MECOM: variants seen among roughly 807,000 people sequenced by gnomAD.
The protein encoded by MECOM is histone-lysine N-methyltransferase MECOM.
A neutral mutation model predicts 116.3 loss-of-function variants in MECOM; 13 were observed. The ratio of observed to expected loss-of-function variants is 0.11; its 90% confidence interval spans 0.07 to 0.18. MECOM has a LOEUF of 0.18. Ranked by LOEUF, MECOM falls within the 10% of genes least tolerant of loss-of-function variation. The pLI is 1.00. For synonymous variants in MECOM, 528 were observed against 535.2 expected, an observed-to-expected ratio of 0.99 and a Z score of 0.19; for missense variants, 1,299 against 1,509.0, an observed-to-expected ratio of 0.86 and a Z score of 2.31.
At chr3:169,142,317 A>G (rs1738354035) in intron 3 of MECOM, among the ~76,000 whole-genome samples, 1 of 151,942 alleles carries the variant, frequency 6.6e-6, no homozygotes, top group African/African-American at 2.4e-5. Context: ...AACAATTATT[A>G]TGATATGATT....
intron 1 of MECOM, among the ~76,000 whole-genome samples, chr3:169,387,859 C>A (rs1362308487): frequency 6.6e-6 from 1 of 152,054 alleles, no homozygotes. Context: ...CCAAGAGGAG[C>A]TCAACTAGGG....
chr3:169,497,038 G>A (rs1753895181), intron 1 of MECOM, among the ~76,000 whole-genome samples: 1 of 152,092 alleles, frequency 6.6e-6, no homozygotes, highest in Admixed American at 6.5e-5. Context: ...CTGAAAAAGA[G>A]TTTATAAATT....
intron 1 of MECOM, among the ~76,000 whole-genome samples, chr3:169,466,501 G>A (rs905419284): frequency 6.6e-6 from 1 of 152,040 alleles, no homozygotes; most frequent in Non-Finnish European, 1.5e-5. Context: ...GTTGACAGAG[G>A]GTCATTAATT....
At chr3:169,230,930 T>G (rs1467256111) in intron 2 of MECOM, among the ~76,000 whole-genome samples, 1 of 152,142 alleles carries the variant, frequency 6.6e-6, no homozygotes, top group Non-Finnish European at 1.5e-5. Flanking sequence ...ACAACACAAA[T>G]AGAAAATATA....
chr3:169,653,514 G>C (rs1277297758), intron 1 of MECOM, among the ~76,000 whole-genome samples: 2 of 152,152 alleles, frequency 1.3e-5, no homozygotes, highest in African/African-American at 2.4e-5. Context: ...TGAAATCTTA[G>C]AGGAGTTAGA....
chr3:169,194,251 G>T (rs919574920), intron 2 of MECOM, among the ~76,000 whole-genome samples: 2 of 151,952 alleles, frequency 1.3e-5, no homozygotes, highest in Non-Finnish European at 2.9e-5. Flanking sequence ...ACTCATAGGT[G>T]GGAATTGAAC....
chr3:169,373,851 A>G (rs1285848328), intron 2 of MECOM, among the ~76,000 whole-genome samples: 1 of 151,986 alleles, frequency 6.6e-6, no homozygotes, highest in Non-Finnish European at 1.5e-5. Flanking sequence ...CCTCTTTCAG[A>G]GTCACATAAT....
At chr3:169,389,051 C>A (rs772591963) in intron 1 of MECOM, among the ~76,000 whole-genome samples, 1 of 152,136 alleles carries the variant, frequency 6.6e-6, no homozygotes, top group South Asian at 2.1e-4. Context: ...CCTGGTATTG[C>A]GGCATACTGT....
intron 1 of MECOM, among the ~76,000 whole-genome samples, chr3:169,392,645 GAAATA>G (rs1449392715): frequency 6.6e-6 from 1 of 152,106 alleles, no homozygotes; most frequent in East Asian, 1.9e-4. Context: ...ATGTGACAAT[GAAATA>G]AAATAAGGCC....
chr3:169,563,618 C>A (rs938794029), intron 1 of MECOM, among the ~76,000 whole-genome samples: 1 of 152,078 alleles, frequency 6.6e-6, no homozygotes, highest in Non-Finnish European at 1.5e-5. Context: ...ATCCCGGAAG[C>A]TTTTTGGAAT....
At chr3:169,217,612 C>G (rs987859892) in intron 2 of MECOM, among the ~76,000 whole-genome samples, 1 of 151,752 alleles carries the variant, frequency 6.6e-6, no homozygotes, top group Non-Finnish European at 1.5e-5. Flanking sequence ...GGCAAAACCC[C>G]GTCGCCACTA....
At chr3:169,311,526 G>A (rs972207680) in intron 2 of MECOM, among the ~76,000 whole-genome samples, 1 of 152,108 alleles carries the variant, frequency 6.6e-6, no homozygotes, top group Non-Finnish European at 1.5e-5. Flanking sequence ...AATGTCAAAT[G>A]GCACTAGAAA....
chr3:169,614,423 A>T (rs1280481931), intron 1 of MECOM, among the ~76,000 whole-genome samples: 1 of 152,186 alleles, frequency 6.6e-6, no homozygotes, highest in Non-Finnish European at 1.5e-5. Flanking sequence ...TGATATAAAC[A>T]AATGCCCAAC....
rs868557007 is a variant in MECOM at position 169,378,487 on chromosome 3, G to A, written c.375+2700C>T. 3.0e-3 allele frequency among the ~76,000 whole-genome samples: 91 copies of A among 29,936 alleles called. 12 individuals carry two copies. The highest frequency in any genetic ancestry group is 0.016 in the African/African-American group (40 of 2,526). 19.6% of individuals were successfully genotyped at this position (29,936 alleles called of 152,430 possible). A position where few individuals can be genotyped will look rare whatever the true frequency, so the allele number is the denominator to read the frequency against. ...CAAGCAAGCAAGCAAGAAAGAGAGA[G>A]AGAAAGAAAGAAAGAAAGAAAGAAA... is the stretch of plus-strand genomic sequence containing the variant. On this transcript the variant is annotated intron_variant, in intron 2 of 16. Coordinates refer to ENST00000651503, the MANE Select transcript of MECOM (RefSeq NM_004991.4).
intron 1 of MECOM, among the ~76,000 whole-genome samples, chr3:169,408,643 A>G (rs902071788): frequency 5.9e-5 from 9 of 152,178 alleles, no homozygotes; most frequent in Non-Finnish European, 1.3e-4. Context: ...ATTATCAACC[A>G]CAGTACTATT....
At chr3:169,458,738 C>T (rs1373044026) in intron 1 of MECOM, among the ~76,000 whole-genome samples, 1 of 152,130 alleles carries the variant, frequency 6.6e-6, no homozygotes, top group Non-Finnish European at 1.5e-5. Flanking sequence ...AAATTTTTCA[C>T]AGGATGGGGG....
chr3:169,257,482 G>A (rs1756995488), intron 2 of MECOM, among the ~76,000 whole-genome samples: 1 of 152,110 alleles, frequency 6.6e-6, no homozygotes, highest in African/African-American at 2.4e-5. Flanking sequence ...TATTTATGTT[G>A]GTGTAACAGT....
chr3:169,626,287 G>A (rs977631021), intron 1 of MECOM, among the ~76,000 whole-genome samples: 9 of 152,170 alleles, frequency 5.9e-5, no homozygotes, highest in Admixed American at 2.0e-4. Context: ...GAATTCTCAC[G>A]GTAATATGTA....
At chr3:169,573,141 C>G (rs908375036) in intron 1 of MECOM, among the ~76,000 whole-genome samples, 1 of 152,192 alleles carries the variant, frequency 6.6e-6, no homozygotes, top group Non-Finnish European at 1.5e-5. Context: ...GCTTCTCCCC[C>G]TCACCCTCTG....
Sources: allele counts gnomAD v4.1 joint callset (sites outside exome capture counted in the v4.1 genomes callset), GRCh38; gene constraint gnomAD v4.1.1; transcripts MANE v1.5; gene names NCBI Gene and HGNC (gene_info 2026-07-23, HGNC 2026-07-21).